PITPNC1: variants seen among roughly 807,000 people sequenced by gnomAD.
PITPNC1 encodes phosphatidylinositol transfer protein cytoplasmic 1.
PITPNC1 carries 18 observed loss-of-function variants against 44.7 expected under a neutral mutation model. The ratio of observed to expected loss-of-function variants is 0.40; its 90% CI spans 0.28 to 0.60. The LOEUF is 0.60. PITPNC1 is among the 20% of genes least tolerant of loss of function. PITPNC1 has a pLI of 0.39. For missense variants in PITPNC1, 290 were observed against 418.4 expected (o/e 0.69, Z 2.68); for synonymous variants, 141 against 149.6 (o/e 0.94, Z 0.42).
Position 67,462,225 on chromosome 17 carries a change from CTTTTTTT to C in PITPNC1, c.49-70561_49-70555del, listed in dbSNP as rs549707875. Among the ~76,000 whole-genome samples, 56 of 71,234 alleles carry C rather than the reference CTTTTTTT, an allele frequency of 7.9e-4. 1 individual carries two copies. In the East Asian group the frequency reaches 0.012, roughly 16 times the overall value. 46.7% of individuals were successfully genotyped at this position (71,234 alleles called of 152,430 possible). On this transcript the variant is annotated intron_variant, in intron 1 of 8. Coordinates refer to ENST00000581322, the MANE Select transcript of PITPNC1 (RefSeq NM_012417.4). ...CTTTTCTTTTTCTCTTTCTTTCTTT[CTTTTTTT>C]TTTTTTTTTTTTTTTCTGAGACAGG...
chr17:67,533,201 AGTG>A (rs2040486381), intron 2 of PITPNC1, among the ~76,000 whole-genome samples: 1 of 152,180 alleles, frequency 6.6e-6, no homozygotes, highest in Non-Finnish European at 1.5e-5. Context: ...TTGAGGCTAC[AGTG>A]AGCTATACTC....
chr17:67,595,051 G>C (rs1205069734), intron 5 of PITPNC1, among the ~76,000 whole-genome samples: 1 of 152,112 alleles, frequency 6.6e-6, no homozygotes, highest in African/African-American at 2.4e-5. Context: ...TTCTTTTTCG[G>C]TGGTATAGTT....
At chr17:67,619,106 G>A (rs955071861) in intron 5 of PITPNC1, among the ~76,000 whole-genome samples, 1 of 152,042 alleles carries the variant, frequency 6.6e-6, no homozygotes, top group African/African-American at 2.4e-5. Context: ...TAGTTCCTGA[G>A]AAACTTTTTA....
intron 1 of PITPNC1, among the ~76,000 whole-genome samples, chr17:67,450,561 G>A (rs2039161161): frequency 6.6e-6 from 1 of 151,958 alleles, no homozygotes; most frequent in South Asian, 2.1e-4. Context: ...GAGTAGCTGG[G>A]ACTACAGGCG....
At chr17:67,648,391 C>T (rs1004429357) in intron 6 of PITPNC1, among the ~76,000 whole-genome samples, 1 of 152,182 alleles carries the variant, frequency 6.6e-6, no homozygotes, top group Non-Finnish European at 1.5e-5. Flanking sequence ...GGCTGCAAAC[C>T]GAGCCAGGTT....
intron 1 of PITPNC1, among the ~76,000 whole-genome samples, chr17:67,398,508 G>GGGT (rs1555647048): frequency 2.5e-5 from 3 of 120,766 alleles, no homozygotes; most frequent in Admixed American, 7.6e-5. Flanking sequence ...ACGTGCAGTT[G>GGGT]GGTGTTGTGG....
intron 5 of PITPNC1, among the ~76,000 whole-genome samples, chr17:67,586,185 A>T (rs1024718789): frequency 2.6e-5 from 4 of 152,204 alleles, no homozygotes; most frequent in African/African-American, 9.6e-5. Flanking sequence ...GCCATGGCAG[A>T]GTGTGGATTT....
intron 6 of PITPNC1, 152 bp downstream of exon 6, chr17:67,632,390 A>T (rs2144333985): frequency 1.6e-6 from 1 of 617,440 alleles, no homozygotes; most frequent in East Asian, 2.8e-5. Context: ...TGCAAGTCTC[A>T]AAATTAAGTC....
chr17:67,599,429 G>T (rs2041513128), intron 5 of PITPNC1, among the ~76,000 whole-genome samples: 1 of 152,092 alleles, frequency 6.6e-6, no homozygotes, highest in Non-Finnish European at 1.5e-5. Context: ...GGGATAAAAT[G>T]AAAAGAAGGG....
intron 2 of PITPNC1, among the ~76,000 whole-genome samples, chr17:67,536,748 C>T (rs1455294306): frequency 1.3e-5 from 2 of 152,124 alleles, no homozygotes; most frequent in African/African-American, 2.4e-5. Flanking sequence ...TAGCCACCCT[C>T]GCAGCTAGAG....
At position 67,573,070 on chromosome 17, in the gene PITPNC1, T is replaced by C. The variant is rs150319598; in HGVS notation, c.295-5116T>C. Among the ~76,000 whole-genome samples, 4 of 152,288 alleles carry C rather than the reference T, an allele frequency of 2.6e-5. No homozygotes were observed. The East Asian group carries it at 7.7e-4, about 29-fold the overall frequency. On this transcript the variant is annotated intron_variant, in intron 4 of 8. Transcript: ENST00000581322. The stretch of plus-strand genomic sequence containing the variant: ...CTGTGAGAGAATAAATTGCTGCTGT[T>C]TTAAGCCACGCAGTTTGTGGAATTG...
At chr17:67,628,848 G>A (rs1466977619) in intron 5 of PITPNC1, among the ~76,000 whole-genome samples, 2 of 152,316 alleles carry the variant, frequency 1.3e-5, no homozygotes, top group Admixed American at 6.5e-5. Flanking sequence ...GAGCATGACC[G>A]AAAGTCCCCA....
chr17:67,669,465 C>T (rs760087668), intron 6 of PITPNC1, 43 bp from the exon 7 acceptor site: 1 of 1,362,216 alleles, frequency 7.3e-7, no homozygotes, highest in Non-Finnish European at 1.0e-6. Context: ...TAATGATGGT[C>T]AAACTTTTAA....
intron 5 of PITPNC1, among the ~76,000 whole-genome samples, chr17:67,605,755 G>A (rs187842070): frequency 1.3e-5 from 2 of 152,278 alleles, no homozygotes; most frequent in East Asian, 1.9e-4. Flanking sequence ...AGCCACCTGC[G>A]CCGTTATCAG....
chr17:67,438,313 C>CTTT (rs1245707226), intron 1 of PITPNC1, among the ~76,000 whole-genome samples: 1 of 130,450 alleles, frequency 7.7e-6, no homozygotes, highest in African/African-American at 2.9e-5. Context: ...TTCTAAGTGA[C>CTTT]TTTTTTTTTT....
At chr17:67,463,958 C>T (rs1312465683) in intron 1 of PITPNC1, among the ~76,000 whole-genome samples, 1 of 151,962 alleles carries the variant, frequency 6.6e-6, no homozygotes, top group Non-Finnish European at 1.5e-5. Flanking sequence ...CTTTGGGAGG[C>T]CAAGGTGGGC....
rs9905419 is a variant in PITPNC1 at position 67,676,824 on chromosome 17, T to A, written c.682+1282T>A. On this transcript the variant is annotated intron_variant, in intron 8 of 8. Coordinates refer to ENST00000581322, the MANE Select transcript of PITPNC1 (RefSeq NM_012417.4). The surrounding 1 kb of genome is among the most constrained non-coding windows in gnomAD (Gnocchi z 4.0). Reference sequence around the variant, plus strand: ...TTCTATAAGCTATGGGCTTTTCTTTTTTTTTTCTTTTTTTCTTACCTCCTT... The same window carrying A: ...TTCTATAAGCTATGGGCTTTTCTTTATTTTTTCTTTTTTTCTTACCTCCTT... Among the ~76,000 whole-genome samples, 23,821 of 151,972 alleles carry A rather than the reference T, an allele frequency of 0.16. 2,021 individuals are homozygous for A. The highest frequency in any genetic ancestry group is 0.27 in the Middle Eastern group (78 of 294).
intron 5 of PITPNC1, among the ~76,000 whole-genome samples, chr17:67,625,002 G>A (rs1309756346): frequency 6.6e-6 from 1 of 152,116 alleles, no homozygotes; most frequent in Non-Finnish European, 1.5e-5. Context: ...CCTTCCCCAT[G>A]TAGCATTTCT....
intron 2 of PITPNC1, among the ~76,000 whole-genome samples, chr17:67,539,066 GA>G (rs1357755868): frequency 2.6e-5 from 4 of 151,456 alleles, no homozygotes; most frequent in African/African-American, 7.3e-5. Flanking sequence ...ATATAAACAT[GA>G]AAAAAATTCC....
Sources: allele counts gnomAD v4.1 joint callset (sites outside exome capture counted in the v4.1 genomes callset), GRCh38; gene constraint gnomAD v4.1.1; non-coding constraint Gnocchi (gnomAD v3.1); transcripts MANE v1.5; gene names NCBI Gene and HGNC (gene_info 2026-07-23, HGNC 2026-07-21).